The following ARHGAP4 variants were observed in gnomAD, a reference collection of about 807,000 sequenced individuals.
ARHGAP4 encodes the protein rho GTPase-activating protein 4.
ARHGAP4 carries 25 observed loss-of-function variants against 67.6 expected under a neutral mutation model. The observed-to-expected ratio is 0.37, with a 90% CI of 0.27 to 0.52. The LOEUF (loss-of-function observed/expected upper bound fraction) is 0.52. Ranked by LOEUF, ARHGAP4 falls within the 20% of genes least tolerant of loss-of-function variation. The pLI, the probability that ARHGAP4 is intolerant of heterozygous loss-of-function variation, is 0.92. For missense variants in ARHGAP4, 804 were observed against 854.6 expected (o/e 0.94, Z 0.74); for synonymous variants, 448 against 373.7 (o/e 1.20, Z -2.29).
intron 1 of ARHGAP4, chrX:153,922,460 C>T (rs1489404026): frequency 2.7e-6 from 2 of 738,561 alleles, no homozygotes; most frequent in African/African-American, 4.8e-5. Flanking sequence ...CTCCCAATCA[C>T]CCCCCGCCCC....
Position 153,911,005 on chromosome X carries a change from G to T in ARHGAP4, c.1604-6C>A. On this transcript the variant is annotated splice_polypyrimidine_tract_variant and splice_region_variant and intron_variant, in intron 13 of 21. Coordinates refer to ENST00000350060, the MANE Select transcript of ARHGAP4 (RefSeq NM_001666.5). ...GATGCCTTCATGCTGCAGGCCTGTG[G>T]GAGGACAAGGAGCTGGTGGGCACTG... 1 of 1,168,118 alleles carries T rather than the reference G, an allele frequency of 8.6e-7. No individual in the cohort carries two copies. Among genetic ancestry groups the T allele is most frequent in the Non-Finnish European group, 1.1e-6 (1 of 873,346 alleles).
intron 12 of ARHGAP4, 137 bp from the exon 13 acceptor site, chrX:153,911,326 C>T (rs2065019847): frequency 1.8e-6 from 1 of 550,064 alleles, no homozygotes. Context: ...GGCGTGATCT[C>T]GGCTCACTGT....
chrX:153,921,534 G>A lies in ARHGAP4; in HGVS notation c.273-7C>T. 2.5e-6 allele frequency: 3 copies of A among 1,197,751 alleles called. No individual in the cohort carries two copies. Among genetic ancestry groups the A allele is most frequent in the Non-Finnish European group, 3.4e-6 (3 of 887,709 alleles). On this transcript the variant is annotated splice_region_variant and splice_polypyrimidine_tract_variant and intron_variant, in intron 2 of 21. Coordinates refer to ENST00000350060, the MANE Select transcript of ARHGAP4 (RefSeq NM_001666.5). ...CAGGAGGGACGGCTCCTTCCTGGGG[G>A]TAGAGGGGCACTGAGACCTGGGAGC... is the stretch of plus-strand genomic sequence containing the variant.
intron 1 of ARHGAP4, among the ~76,000 whole-genome samples, chrX:153,924,793 C>T (rs1321482744): frequency 1.8e-5 from 2 of 111,826 alleles, no homozygotes; most frequent in Non-Finnish European, 3.8e-5. Flanking sequence ...GGCCCCGGGC[C>T]CCACCAGCAC....
At chrX:153,918,609 G>C (rs1394062990) in intron 7 of ARHGAP4, among the ~76,000 whole-genome samples, 5 of 112,993 alleles carry the variant, frequency 4.4e-5, no homozygotes, top group Non-Finnish European at 7.5e-5. Context: ...ACGGCTGCCT[G>C]CTGCACGGTT....
chrX:153,908,243 C>T (rs1557101749), intron 21 of ARHGAP4, among the ~76,000 whole-genome samples: 1 of 112,282 alleles, frequency 8.9e-6, no homozygotes, highest in Non-Finnish European at 1.9e-5. Flanking sequence ...GAGATCACAG[C>T]CCCCTGCCCA....
chrX:153,913,559 C>G lies in ARHGAP4; in HGVS notation c.1176G>C (p.Glu392Asp). The G allele has an allele frequency of 5.8e-6, 7 of 1,211,427 alleles. No homozygotes were observed. Among genetic ancestry groups the G allele is most frequent in the Non-Finnish European group, 7.8e-6 (7 of 895,197 alleles). Residue 392 changes from glutamate to aspartate, a missense_variant, in exon 9 of 22, where the codon GAG becomes GAC. Physicochemically the swap from Glu to Asp is conservative, Grantham distance 45. This residue lies in a region of ARHGAP4 where 404 missense variants were observed against 505.9 expected (regional missense o/e 0.80). Transcript: ENST00000350060. ...TLKATLQALL[E>D]VVASDDGDVL... ...CATCCCCGTCATCCGAGGCCACCAC[C>G]TCCAGCAGGGCCTGCAGTGTCGCCT...
chrX:153,910,865 AG>A, intron 14 of ARHGAP4, 31 bp from the exon 15 acceptor site: 1 of 1,184,051 alleles, frequency 8.4e-7, no homozygotes, highest in Non-Finnish European at 1.1e-6. Context: ...CGGTAGGGGG[AG>A]GAAGCTGGTG....
intron 7 of ARHGAP4, 48 bp from the exon 8 acceptor site, chrX:153,913,927 G>A (rs1557103901): frequency 8.9e-7 from 1 of 1,123,579 alleles, no homozygotes; most frequent in Non-Finnish European, 1.2e-6. Context: ...TTGGGCAGTA[G>A]GTGCCAAGAT....
intron 7 of ARHGAP4, among the ~76,000 whole-genome samples, chrX:153,916,378 A>G (rs1303608349): frequency 4.4e-5 from 5 of 113,166 alleles, no homozygotes. Flanking sequence ...TCTCACTGAG[A>G]GGCCCCAGGC....
intron 14 of ARHGAP4, 33 bp downstream of exon 14, chrX:153,910,889 G>GCCCCCCC: frequency 7.0e-6 from 8 of 1,147,436 alleles, no homozygotes; most frequent in Admixed American, 2.7e-5. Context: ...ATCTGCCCGA[G>GCCCCCCC]CCCCCACCCC....
At chrX:153,920,399 G>A (rs781932870) in intron 5 of ARHGAP4, 11 of 415,069 alleles carry the variant, frequency 2.7e-5, no homozygotes, top group African/African-American at 1.0e-4. Context: ...CAGGGGCCCC[G>A]CTGGGAGCAT....
rs1557102632 is a variant in ARHGAP4, at chrX:153,910,184, C to T, written c.2143G>A (p.Ala715Thr). The T allele has an allele frequency of 6.6e-6, 8 of 1,209,792 alleles. No homozygotes were observed. The highest frequency in any genetic ancestry group is 2.2e-5 in the Admixed American group (1 of 45,923). The stretch of plus-strand genomic sequence containing the variant: ...CCAAGGGTGTACCCCAGGCAGCTGG[C>T]GGAAGGCGGTGCCATGCACTTCTCG... Reference protein sequence around the residue: ...VYEKCMAPPSASCLGDAQLES... With the variant: ...VYEKCMAPPSTSCLGDAQLES... The change falls in exon 17 of 22, where the codon GCC (alanine) becomes ACC (threonine). Residue 715 changes from alanine (A) to threonine (T), a missense_variant. Physicochemically the swap from Ala to Thr is moderately conservative, Grantham distance 58. This residue lies in a region of ARHGAP4 where 400 missense variants were observed against 348.7 expected (regional missense o/e 1.15). Coordinates refer to ENST00000350060, the MANE Select transcript of ARHGAP4 (RefSeq NM_001666.5).
rs782476973 is a variant in ARHGAP4 at position 153,910,748 on chromosome X, G to C, written c.1768C>G (p.Pro590Ala). The C allele has an allele frequency of 8.4e-7, 1 of 1,190,144 alleles. No individual in the cohort carries two copies. Among genetic ancestry groups the C allele is most frequent in the Admixed American group, 2.3e-5 (1 of 44,188 alleles). The change falls in exon 15 of 22, where the codon CCC (proline) becomes GCC (alanine). Residue 590 changes from proline (P) to alanine (A), a missense_variant. Transcript: ENST00000350060. Reference sequence around the variant, plus strand: ...AACAGGTCTGGGGGGAAGAGTGGGGGCTCCAGGCTCCGGAAGTAGAGCTTC... The same window carrying C: ...AACAGGTCTGGGGGGAAGAGTGGGGCCTCCAGGCTCCGGAAGTAGAGCTTC... ...VLKLYFRSLE[P>A]PLFPPDLFGE... is the part of the protein sequence containing the mutation.
chrX:153,922,740 G>A (rs1182224426), intron 1 of ARHGAP4, among the ~76,000 whole-genome samples: 2 of 112,238 alleles, frequency 1.8e-5, no homozygotes, highest in Non-Finnish European at 3.8e-5. Flanking sequence ...CCCAGGGAGG[G>A]ACATGAATTG....
rs781818677 is a variant in ARHGAP4, at chrX:153,912,820, T to C, written c.1440-18A>G. On this transcript the variant is annotated intron_variant, in intron 11 of 21. Transcript: ENST00000350060. ...ACTGGGTCCTGCAGTGAATGGGAGCTGGCTCTGAGGGGGCCAGGTGTGGAG... is the reference window on the plus strand; with the variant it reads ...ACTGGGTCCTGCAGTGAATGGGAGCCGGCTCTGAGGGGGCCAGGTGTGGAG... The C allele has an allele frequency of 8.4e-7, 1 of 1,187,968 alleles. No individual in the cohort carries two copies. The highest frequency in any genetic ancestry group is 1.8e-5 in the South Asian group (1 of 55,033).
rs1395933674 is a variant in ARHGAP4, at chrX:153,910,823, G to A, written c.1693C>T (p.Leu565=). The A allele has an allele frequency of 3.4e-5, 40 of 1,188,779 alleles. No individual in the cohort carries two copies. The highest frequency in any genetic ancestry group is 4.3e-5 in the Non-Finnish European group (38 of 883,456). The change falls in exon 15 of 22, where the codon CTG becomes TTG. Residue 565 remains leucine, a synonymous_variant. Coordinates refer to ENST00000350060, the MANE Select transcript of ARHGAP4 (RefSeq NM_001666.5). The stretch of plus-strand genomic sequence containing the variant: ...TCATGGGCAGTGCAGCCCTCCACCA[G>A]TGGGTCCTCCCCTGCAGATGGGCGA... ...RDAFERGEDP[L]VEGCTAHDLD... is the part of the protein sequence containing the mutation.
At chrX:153,911,048 C>T in intron 13 of ARHGAP4, 49 bp from the exon 14 acceptor site, 1 of 1,165,127 alleles carries the variant, frequency 8.6e-7, no homozygotes, top group Non-Finnish European at 1.1e-6. Context: ...TCCCCAGCCC[C>T]TCCAGGATGG....
chrX:153,909,776 GC>G lies in ARHGAP4; in HGVS notation c.2378del (p.Gly793AlafsTer147). On this transcript the variant is annotated frameshift_variant, in exon 19 of 22. Transcript: ENST00000350060. LOFTEE classifies it high-confidence loss of function. Reference protein sequence around the residue: ...WWRGEHNGMRGLIPHKYITLP... With the variant: ...WWRGEHNGMRXLIPHKYITLP... ...GCGTGATATACTTGTGGGGGATGAG[GC>G]CCCGCATGCCGTTGTGCTCCCCCCG... The G allele has an allele frequency of 8.3e-7, 1 of 1,199,600 alleles. No homozygotes were observed.
Sources: allele counts gnomAD v4.1 joint callset (sites outside exome capture counted in the v4.1 genomes callset), GRCh38; gene constraint gnomAD v4.1.1; regional missense constraint gnomAD v4.1.1; transcripts MANE v1.5; gene names NCBI Gene and HGNC (gene_info 2026-07-23, HGNC 2026-07-21).